The following CC2D2A variants were observed in gnomAD, a reference collection of about 807,000 sequenced individuals.
The protein encoded by CC2D2A is coiled-coil and C2 domain-containing protein 2A.
CC2D2A carries 155 observed loss-of-function variants against 212.9 expected under a neutral mutation model. The ratio of observed to expected loss-of-function variants is 0.73; its 90% confidence interval spans 0.64 to 0.83. The LOEUF (loss-of-function observed/expected upper bound fraction) is 0.83, where lower values mean the gene tolerates loss of function less well. Ranked by LOEUF, CC2D2A falls within the 40% of genes least tolerant of loss-of-function variation. The pLI is 0.00. For synonymous variants in CC2D2A, 667 were observed against 686.5 expected, an observed-to-expected ratio of 0.97 and a Z score of 0.44; for missense variants, 1,856 against 1,956.2, an observed-to-expected ratio of 0.95 and a Z score of 0.97.
chr4:15,582,946 T>C lies in CC2D2A; in HGVS notation c.3975+2775T>C, dbSNP rs969076741. ...ATAGCTCTAAAAATCCTCAACAAAATATTGCCAAACAAAATTCAATAATAT... is the reference window on the plus strand; with the variant it reads ...ATAGCTCTAAAAATCCTCAACAAAACATTGCCAAACAAAATTCAATAATAT... On this transcript the variant is annotated intron_variant, in intron 30 of 36. Coordinates refer to ENST00000424120, the MANE Select transcript of CC2D2A (RefSeq NM_001378615.1). Among the ~76,000 whole-genome samples the C allele has an allele frequency of 2.5e-4, 38 of 152,042 alleles. 1 individual carries two copies. Among genetic ancestry groups the C allele is most frequent in the African/African-American group, 9.2e-4 (38 of 41,408 alleles).
intron 30 of CC2D2A, among the ~76,000 whole-genome samples, chr4:15,582,027 A>C (rs987206714): frequency 6.6e-6 from 1 of 152,228 alleles, no homozygotes; most frequent in East Asian, 1.9e-4. Context: ...AGACAGGAGA[A>C]TTATTGGATG....
At chr4:15,544,182 TAAG>T (rs1179857409) in intron 17 of CC2D2A, among the ~76,000 whole-genome samples, 2 of 152,142 alleles carry the variant, frequency 1.3e-5, no homozygotes, top group Non-Finnish European at 2.9e-5. Context: ...TTGTCTAAAC[TAAG>T]AATAAAACTT....
intron 4 of CC2D2A, among the ~76,000 whole-genome samples, chr4:15,487,996 T>G (rs1191154773): frequency 6.6e-6 from 1 of 152,122 alleles, no homozygotes; most frequent in Non-Finnish European, 1.5e-5. Flanking sequence ...TCTACTTATA[T>G]CTTTTTGTAC....
chr4:15,576,271 C>A, intron 29 of CC2D2A: 1 of 392,762 alleles, frequency 2.5e-6, no homozygotes, highest in Non-Finnish European at 3.5e-6. Flanking sequence ...AAACACTGCT[C>A]AGTGATTCAC....
intron 13 of CC2D2A, among the ~76,000 whole-genome samples, chr4:15,529,398 A>G (rs1028654579): frequency 3.4e-4 from 51 of 152,082 alleles, no homozygotes; most frequent in African/African-American, 1.1e-3. Flanking sequence ...AAAAAAAGAA[A>G]AAAGGAAGCC....
At chr4:15,478,565 G>A (rs1443732409) in intron 2 of CC2D2A, among the ~76,000 whole-genome samples, 158 bp from the exon 3 acceptor site, 1 of 152,206 alleles carries the variant, frequency 6.6e-6, no homozygotes, top group East Asian at 1.9e-4. Flanking sequence ...GAGAAGAGTG[G>A]ATGATGAGAG....
rs997057154 is a variant in CC2D2A at position 15,589,605 on chromosome 4, A to G, written c.4240A>G (p.Ser1414Gly). ...QGRYLIWNPC[S>G]GHFYGQFDTF... is the part of the protein sequence containing the mutation. ...TCGTTATTTAATATGGAATCCCTGC[A>G]GTGGACATTTTTATGGACAATTTGA... is the stretch of plus-strand genomic sequence containing the variant. The change falls in exon 33 of 37, where the codon AGT becomes GGT. Residue 1414 changes from serine to glycine, a missense_variant. Coordinates refer to ENST00000424120, the MANE Select transcript of CC2D2A (RefSeq NM_001378615.1). 3.7e-6 allele frequency: 6 copies of G among 1,612,720 alleles called. No homozygotes were observed. In the East Asian group the frequency reaches 1.3e-4, roughly 36 times the overall value.
intron 11 of CC2D2A, among the ~76,000 whole-genome samples, chr4:15,521,197 C>A (rs1577344815): frequency 6.6e-6 from 1 of 152,058 alleles, no homozygotes; most frequent in South Asian, 2.1e-4. Flanking sequence ...TTAGACTGCA[C>A]AAGAAAGAAG....
chr4:15,546,869 G>T (rs1309448600), intron 17 of CC2D2A, among the ~76,000 whole-genome samples: 1 of 152,158 alleles, frequency 6.6e-6, no homozygotes, highest in Non-Finnish European at 1.5e-5. Context: ...GACAATGAGG[G>T]TTTGAATGAG....
intron 28 of CC2D2A, among the ~76,000 whole-genome samples, chr4:15,573,772 T>C (rs934164835): frequency 9.2e-5 from 14 of 152,226 alleles, no homozygotes; most frequent in Non-Finnish European, 1.5e-5. Flanking sequence ...CTTAGTGTTT[T>C]ATATCTATTC....
At chr4:15,574,835 G>T (rs1720329646) in intron 29 of CC2D2A, among the ~76,000 whole-genome samples, 1 of 152,174 alleles carries the variant, frequency 6.6e-6, no homozygotes, top group South Asian at 2.1e-4. Flanking sequence ...GTACAAGTAT[G>T]CTTTTAAACA....
rs752763357 is a variant in CC2D2A at position 15,540,941 on chromosome 4, C to G, written c.2108C>G (p.Ala703Gly). The G allele has an allele frequency of 1.3e-6, 2 of 1,564,788 alleles. No homozygotes were observed. The highest frequency in any genetic ancestry group is 1.7e-6 in the Non-Finnish European group (2 of 1,154,428). ...AGGACAGTCAGTCGGCCACTAGGAG[C>G]AGACTTCCGAGTTCACTTTGGGCAG... ...VSRTVSRPLG[A>G]DFRVHFGQIF... Residue 703 changes from alanine to glycine, a missense_variant, in exon 17 of 37, where the codon GCA (alanine) becomes GGA (glycine). Physicochemically the swap from Ala to Gly is moderately conservative, Grantham distance 60 (BLOSUM62 0). Around this residue, in one of 5 missense-constraint regions of CC2D2A, gnomAD observed 1,512 missense variants for 1,579.3 expected, o/e 0.96. Coordinates refer to ENST00000424120, the MANE Select transcript of CC2D2A (RefSeq NM_001378615.1).
intron 36 of CC2D2A, among the ~76,000 whole-genome samples, chr4:15,600,584 G>A (rs1163452228): frequency 6.6e-6 from 1 of 152,050 alleles, no homozygotes; most frequent in African/African-American, 2.4e-5. Flanking sequence ...GCCCATCCCC[G>A]TGGATCAATC....
chr4:15,574,137 AT>A lies in CC2D2A; in HGVS notation c.3595-9del. 1 of 1,530,582 alleles carries A rather than the reference AT, an allele frequency of 6.5e-7. No individual in the cohort carries two copies. Among genetic ancestry groups the A allele is most frequent in the Non-Finnish European group, 8.8e-7 (1 of 1,134,710 alleles). The allele number at this position is 1,530,582 out of a possible 1,614,324, so 94.8% of individuals were successfully genotyped here. ...AGCATCAGGATGTTTACCAAGTCAT[AT>A]TTTCTTCACAGATTGATGGAACATT... On this transcript the variant is annotated splice_polypyrimidine_tract_variant and intron_variant, in intron 28 of 36. Coordinates refer to ENST00000424120, the MANE Select transcript of CC2D2A (RefSeq NM_001378615.1).
intron 4 of CC2D2A, among the ~76,000 whole-genome samples, chr4:15,488,070 G>C (rs1478908694): frequency 1.3e-5 from 2 of 151,760 alleles, no homozygotes; most frequent in Non-Finnish European, 2.9e-5. Context: ...TAGTCTTCAG[G>C]GCTAAAGATA....
At chr4:15,590,730 T>G (rs1480658417) in intron 33 of CC2D2A, among the ~76,000 whole-genome samples, 1 of 152,192 alleles carries the variant, frequency 6.6e-6, no homozygotes, top group African/African-American at 2.4e-5. Flanking sequence ...ACTCTTTAAT[T>G]ATTTTTTTAA....
chr4:15,574,488 CAG>C (rs1720309824), intron 29 of CC2D2A, among the ~76,000 whole-genome samples, 162 bp downstream of exon 29: 1 of 152,134 alleles, frequency 6.6e-6, no homozygotes, highest in South Asian at 2.1e-4. Flanking sequence ...GGTGAGAAAA[CAG>C]ATGTGTGGGT....
chr4:15,506,076 A>C lies in CC2D2A; in HGVS notation c.438+3153A>C, dbSNP rs149639406. Among the ~76,000 whole-genome samples, 691 of 152,340 alleles carry C rather than the reference A, an allele frequency of 4.5e-3. 1 individual carries two copies. Among genetic ancestry groups the C allele is most frequent in the South Asian group, 0.011 (52 of 4,824 alleles). On this transcript the variant is annotated intron_variant, in intron 6 of 36. Transcript: ENST00000424120. ...AATTTAAGGGTGAGAAAGAATTTCT[A>C]GATGGATATGTGCACATATGATGAT...
chr4:15,590,158 C>T (rs868366429), intron 33 of CC2D2A, among the ~76,000 whole-genome samples: 13 of 152,000 alleles, frequency 8.6e-5, no homozygotes, highest in Non-Finnish European at 1.5e-4. Flanking sequence ...ATTCTAGTTG[C>T]GCCAGTTTTG....
Sources: gnomAD v4.1 joint callset for allele counts (sites outside exome capture counted in the v4.1 genomes callset) on GRCh38, gnomAD v4.1.1 for gene constraint, gnomAD v4.1.1 regional missense constraint, MANE v1.5 for transcripts, NCBI Gene and HGNC (gene_info 2026-07-23, HGNC 2026-07-21) for gene names.